The following ZMIZ1 variants were observed in gnomAD, a reference collection of about 807,000 sequenced individuals.
ZMIZ1 encodes the protein zinc finger MIZ domain-containing protein 1.
A neutral mutation model predicts 113.9 loss-of-function variants in ZMIZ1; 17 were observed. That is an observed-to-expected ratio of 0.15 (90% CI 0.10 to 0.22). The LOEUF is 0.22. ZMIZ1 is among the 10% of genes least tolerant of loss of function. The pLI, the probability that ZMIZ1 is intolerant of heterozygous loss-of-function variation, is 1.00. For synonymous variants in ZMIZ1, 607 were observed against 603.1 expected (o/e 1.01, Z -0.09); for missense variants, 1,059 against 1,477.8 (o/e 0.72, Z 4.65).
chr10:79,201,451 C>G (rs1314920590), intron 4 of ZMIZ1, 133 bp from the exon 5 acceptor site: 2 of 673,862 alleles, frequency 3.0e-6, no homozygotes, highest in Non-Finnish European at 5.1e-6. Context: ...TGGGGTACCC[C>G]AGGTGCAGCC....
At chr10:79,193,714 A>T (rs942905080) in intron 4 of ZMIZ1, among the ~76,000 whole-genome samples, 14 of 152,136 alleles carry the variant, frequency 9.2e-5, no homozygotes, top group Admixed American at 9.2e-4. Context: ...ACCAAGAAAG[A>T]GCACGAAAGA....
At chr10:79,238,597 T>C (rs1475299171) in intron 7 of ZMIZ1, among the ~76,000 whole-genome samples, 2 of 152,018 alleles carry the variant, frequency 1.3e-5, no homozygotes, top group Non-Finnish European at 2.9e-5. Context: ...TAAAACGGAG[T>C]TGGGGGCATG....
chr10:79,303,959 C>G lies in ZMIZ1; in HGVS notation c.2126-56C>G, dbSNP rs1854510500. On this transcript the variant is annotated intron_variant, in intron 18 of 24. Coordinates refer to ENST00000334512, the MANE Select transcript of ZMIZ1 (RefSeq NM_020338.4). ...GAAGTGGGGAGCACGTGCAGACCCC[C>G]TACCTCTGCAGGACTGTCTTGCCAT... 3 of 1,607,420 alleles carry G rather than the reference C, an allele frequency of 1.9e-6. No individual in the cohort carries two copies. In the African/African-American group the frequency reaches 4.0e-5, roughly 21 times the overall value.
intron 7 of ZMIZ1, among the ~76,000 whole-genome samples, chr10:79,276,570 G>T (rs1852306327): frequency 6.6e-6 from 1 of 151,404 alleles, no homozygotes; most frequent in Admixed American, 6.6e-5. Context: ...GTGCCCAGCA[G>T]AGCAGGGACC....
chr10:79,279,383 C>T (rs1023492084), intron 8 of ZMIZ1, among the ~76,000 whole-genome samples: 3 of 150,826 alleles, frequency 2.0e-5, no homozygotes, highest in Admixed American at 1.3e-4. Context: ...GGGGCAGAGG[C>T]GCTCCCCACA....
chr10:79,168,460 A>G (rs1846458081), intron 4 of ZMIZ1, among the ~76,000 whole-genome samples: 1 of 152,106 alleles, frequency 6.6e-6, no homozygotes, highest in African/African-American at 2.4e-5. Context: ...TACTCCTTGA[A>G]AGCTCAGGGC....
chr10:79,126,772 C>T (rs1301682392), intron 2 of ZMIZ1, among the ~76,000 whole-genome samples: 1 of 152,216 alleles, frequency 6.6e-6, no homozygotes, highest in Non-Finnish European at 1.5e-5. Context: ...GGAGCCACAG[C>T]AGGGAAGTGC....
intron 1 of ZMIZ1, among the ~76,000 whole-genome samples, chr10:79,094,279 G>A (rs909706744): frequency 1.3e-5 from 2 of 152,208 alleles, no homozygotes; most frequent in Non-Finnish European, 2.9e-5. Context: ...CAGAGCCCAC[G>A]GGCGACTCAG....
chr10:79,300,595 C>A, intron 16 of ZMIZ1, 137 bp from the exon 17 acceptor site: 1 of 1,103,934 alleles, frequency 9.1e-7, no homozygotes, highest in South Asian at 1.5e-5. Flanking sequence ...CTGGGGGAAT[C>A]ATTGGGGTCA....
intron 8 of ZMIZ1, among the ~76,000 whole-genome samples, chr10:79,289,161 G>A (rs1853295956): frequency 6.6e-6 from 1 of 152,124 alleles, no homozygotes; most frequent in Non-Finnish European, 1.5e-5. Flanking sequence ...TGGGGAAAAT[G>A]TACATGAGAG....
intron 2 of ZMIZ1, among the ~76,000 whole-genome samples, chr10:79,119,657 G>T (rs1000357627): frequency 6.6e-6 from 1 of 152,172 alleles, no homozygotes; most frequent in African/African-American, 2.4e-5. Context: ...AATTATGGGT[G>T]TCTTCAGAAG....
intron 7 of ZMIZ1, among the ~76,000 whole-genome samples, chr10:79,220,862 ATGGCTGTG>A (rs1302816800): frequency 1.7e-5 from 2 of 119,942 alleles, no homozygotes; most frequent in Non-Finnish European, 3.5e-5. Context: ...GTATGTCTGC[ATGGCTGTG>A]CACATGTGTG....
intron 4 of ZMIZ1, among the ~76,000 whole-genome samples, chr10:79,198,215 C>T (rs1266206095): frequency 1.3e-5 from 2 of 152,020 alleles, no homozygotes; most frequent in Non-Finnish European, 2.9e-5. Context: ...GTGGAGATCA[C>T]GCCACTGCAC....
At chr10:79,081,368 C>G (rs1030707331) in intron 1 of ZMIZ1, among the ~76,000 whole-genome samples, 2 of 152,150 alleles carry the variant, frequency 1.3e-5, no homozygotes, top group Non-Finnish European at 2.9e-5. Flanking sequence ...GCTTGGAGAC[C>G]TGAGACCTGA....
chr10:79,249,360 G>A (rs1206631015), intron 7 of ZMIZ1, among the ~76,000 whole-genome samples: 2 of 152,224 alleles, frequency 1.3e-5, no homozygotes, highest in East Asian at 1.9e-4. Flanking sequence ...AGGACAGGCG[G>A]TTCGTGACTT....
intron 1 of ZMIZ1, among the ~76,000 whole-genome samples, chr10:79,088,448 G>A (rs12782529): frequency 0.31 from 47,175 of 152,136 alleles, 7,517 homozygotes; most frequent in Non-Finnish European, 0.33. Context: ...CCCTTCTGCT[G>A]GGTAAACATG....
At chr10:79,086,296 C>T (rs1311520431) in intron 1 of ZMIZ1, among the ~76,000 whole-genome samples, 1 of 152,190 alleles carries the variant, frequency 6.6e-6, no homozygotes, top group Non-Finnish European at 1.5e-5. Flanking sequence ...CTCCTCTGGA[C>T]TCCCTCAGCC....
intron 7 of ZMIZ1, among the ~76,000 whole-genome samples, chr10:79,270,614 G>A (rs1589531060): frequency 6.6e-6 from 1 of 152,198 alleles, no homozygotes; most frequent in Admixed American, 6.5e-5. Flanking sequence ...CTGGTGTGGA[G>A]TGGGAACCCT....
In ZMIZ1 at chr10:79,240,638, C is replaced by CTTTTTTT. The variant is rs56903717; in HGVS notation, c.280+24385_280+24391dup. 8.6e-3 allele frequency among the ~76,000 whole-genome samples: 478 copies of CTTTTTTT among 55,308 alleles called. 66 individuals carry two copies. Among genetic ancestry groups the CTTTTTTT allele is most frequent in the African/African-American group, 0.03 (354 of 11,972 alleles). The allele number at this position is 55,308 out of a possible 152,430, so 36.3% of individuals were successfully genotyped here. ...CGTAAATCTAGTGAAGAGTATTTAT[C>CTTTTTTT]TTTTTTTTTTTTTTTTTTTTTTTTT... On this transcript the variant is annotated intron_variant, in intron 7 of 24. Coordinates refer to ENST00000334512, the MANE Select transcript of ZMIZ1 (RefSeq NM_020338.4).
Sources: allele counts gnomAD v4.1 joint callset (sites outside exome capture counted in the v4.1 genomes callset), GRCh38; gene constraint gnomAD v4.1.1; transcripts MANE v1.5; gene names NCBI Gene and HGNC (gene_info 2026-07-23, HGNC 2026-07-21).